MACROD2: variants seen among roughly 807,000 people sequenced by gnomAD.
The protein encoded by MACROD2 is mono-ADP ribosylhydrolase 2.
A neutral mutation model predicts 70.4 loss-of-function variants in MACROD2; 36 were observed. The observed-to-expected ratio is 0.51, with a 90% CI of 0.39 to 0.68. MACROD2 has a LOEUF of 0.68. Among genes scored for constraint, MACROD2 ranks in the 30% least tolerant of loss-of-function variants. MACROD2 has a pLI of 0.00. For missense variants in MACROD2, 496 were observed against 538.4 expected, an observed-to-expected ratio of 0.92 and a Z score of 0.78; for synonymous variants, 172 against 178.8, an observed-to-expected ratio of 0.96 and a Z score of 0.30.
At chr20:14,424,434 C>A (rs1432219796) in intron 3 of MACROD2, among the ~76,000 whole-genome samples, 1 of 152,186 alleles carries the variant, frequency 6.6e-6, no homozygotes, top group Non-Finnish European at 1.5e-5. Context: ...TAATTTGCTT[C>A]TTCTTTCTCT....
At chr20:14,739,808 TAATA>T (rs1047131066) in intron 5 of MACROD2, among the ~76,000 whole-genome samples, 2 of 152,022 alleles carry the variant, frequency 1.3e-5, no homozygotes, top group African/African-American at 4.8e-5. Flanking sequence ...TATATTCACA[TAATA>T]AAAGACCATT....
At chr20:15,829,558 G>T (rs1185846490) in intron 8 of MACROD2, among the ~76,000 whole-genome samples, 1 of 152,284 alleles carries the variant, frequency 6.6e-6, no homozygotes, top group East Asian at 1.9e-4. Context: ...AGATTCTCAA[G>T]TAGGCTCCAG....
At chr20:14,821,342 A>T (rs2072842307) in intron 5 of MACROD2, among the ~76,000 whole-genome samples, 1 of 152,038 alleles carries the variant, frequency 6.6e-6, no homozygotes, top group South Asian at 2.1e-4. Context: ...TGTTCTGTTG[A>T]TGACCTTCCT....
chr20:14,764,407 T>C (rs1234281992), intron 5 of MACROD2, among the ~76,000 whole-genome samples: 3 of 152,120 alleles, frequency 2.0e-5, no homozygotes, highest in Non-Finnish European at 4.4e-5. Context: ...GAGGAGTCCC[T>C]TCATTATGGT....
chr20:15,880,801 T>G (rs1215354636), intron 9 of MACROD2, among the ~76,000 whole-genome samples: 1 of 152,034 alleles, frequency 6.6e-6, no homozygotes. Context: ...CAGGCTGGCA[T>G]GCACTGAATT....
At chr20:16,049,019 C>T (rs1421639533) in intron 17 of MACROD2, among the ~76,000 whole-genome samples, 1 of 152,144 alleles carries the variant, frequency 6.6e-6, no homozygotes, top group South Asian at 2.1e-4. Context: ...ATGAATGAAT[C>T]TCAGAAGCAT....
At chr20:14,894,761 C>T (rs1307669093) in intron 5 of MACROD2, 2 of 152,034 alleles carry the variant, frequency 1.3e-5, no homozygotes, top group South Asian at 2.1e-4. Context: ...TTCATATTAA[C>T]ATTTTATCAT....
At chr20:15,570,406 T>G (rs1431910171) in intron 8 of MACROD2, among the ~76,000 whole-genome samples, 1 of 152,180 alleles carries the variant, frequency 6.6e-6, no homozygotes, top group East Asian at 1.9e-4. Flanking sequence ...TTTATAGGCT[T>G]GGGGATCAGT....
At chr20:15,324,592 C>G (rs1255626839) in intron 6 of MACROD2, among the ~76,000 whole-genome samples, 2 of 152,152 alleles carry the variant, frequency 1.3e-5, no homozygotes, top group Non-Finnish European at 2.9e-5. Flanking sequence ...ATAGCAAATG[C>G]TTGAAATTGA....
At chr20:16,015,134 T>C (rs1243579276) in intron 15 of MACROD2, among the ~76,000 whole-genome samples, 2 of 152,196 alleles carry the variant, frequency 1.3e-5, no homozygotes, top group African/African-American at 4.8e-5. Flanking sequence ...TTTATATGTA[T>C]AGAAACCTGG....
intron 5 of MACROD2, among the ~76,000 whole-genome samples, chr20:14,965,924 A>T (rs1290430858): frequency 2.6e-5 from 4 of 152,172 alleles, no homozygotes; most frequent in Non-Finnish European, 5.9e-5. Context: ...ACCAAAATCT[A>T]CAGAGCAAAT....
intron 8 of MACROD2, among the ~76,000 whole-genome samples, chr20:15,557,474 G>T (rs1374883717): frequency 1.3e-5 from 2 of 152,128 alleles, no homozygotes; most frequent in African/African-American, 4.8e-5. Context: ...CCAAAGACAA[G>T]AAATGTAAGC....
At chr20:15,318,060 A>T (rs2077833461) in intron 6 of MACROD2, among the ~76,000 whole-genome samples, 1 of 152,174 alleles carries the variant, frequency 6.6e-6, no homozygotes, top group South Asian at 2.1e-4. Context: ...AGTTGCACTT[A>T]ATTGAAATCA....
intron 4 of MACROD2, among the ~76,000 whole-genome samples, chr20:14,553,844 CTT>C (rs1025056692): frequency 2.0e-5 from 3 of 152,176 alleles, no homozygotes; most frequent in Admixed American, 1.3e-4. Flanking sequence ...AATCAGGGAA[CTT>C]TCCTTCAACA....
intron 3 of MACROD2, among the ~76,000 whole-genome samples, chr20:14,253,293 G>T (rs2082026608): frequency 6.6e-6 from 1 of 151,596 alleles, no homozygotes; most frequent in Admixed American, 6.6e-5. Flanking sequence ...ATAGTCTTAT[G>T]GTTTTCAAAA....
chr20:15,496,866 A>G (rs1215092253), intron 7 of MACROD2, among the ~76,000 whole-genome samples: 1 of 152,160 alleles, frequency 6.6e-6, no homozygotes, highest in African/African-American at 2.4e-5. Flanking sequence ...GCCTAGGAAG[A>G]ATCACTTGAA....
In MACROD2 at chr20:15,586,224, T is replaced by C. The variant is rs533217098; in HGVS notation, c.645+86377T>C. Among the ~76,000 whole-genome samples the C allele has an allele frequency of 2.0e-5, 3 of 152,300 alleles. No homozygotes were observed. The South Asian group carries it at 6.2e-4, about 32-fold the overall frequency. ...GGACCTTGTTAAGGCCACACATTAC[T>C]GGACCACTACTTCACCCCCAGTGAC... On this transcript the variant is annotated intron_variant, in intron 8 of 17. Coordinates refer to ENST00000684519, the MANE Select transcript of MACROD2 (RefSeq NM_001351661.2).
At chr20:15,328,904 A>G (rs1443471886) in intron 6 of MACROD2, among the ~76,000 whole-genome samples, 2 of 152,122 alleles carry the variant, frequency 1.3e-5, no homozygotes, top group Non-Finnish European at 2.9e-5. Flanking sequence ...GTGTGCGTAT[A>G]TATGTATATA....
intron 15 of MACROD2, among the ~76,000 whole-genome samples, chr20:16,038,587 C>G (rs1414934699): frequency 6.6e-6 from 1 of 150,930 alleles, no homozygotes; most frequent in Non-Finnish European, 1.5e-5. Context: ...GTATCCAGCT[C>G]TCTGATAAAC....
Sources: gnomAD v4.1 joint callset for allele counts (sites outside exome capture counted in the v4.1 genomes callset) on GRCh38, gnomAD v4.1.1 for gene constraint, MANE v1.5 for transcripts, NCBI Gene and HGNC (gene_info 2026-07-23, HGNC 2026-07-21) for gene names.